The following SNAPC4 variants were observed in gnomAD, a reference collection of about 807,000 sequenced individuals.
SNAPC4 encodes snRNA-activating protein complex subunit 4.
A neutral mutation model predicts 151.3 loss-of-function variants in SNAPC4; 127 were observed. The observed-to-expected ratio is 0.84, with a 90% CI of 0.73 to 0.97. SNAPC4 has a LOEUF of 0.97. SNAPC4 is among the 50% of genes least tolerant of loss of function. SNAPC4 has a pLI of 0.00. For missense variants in SNAPC4, 2,186 were observed against 1,935.0 expected, an observed-to-expected ratio of 1.13 and a Z score of -2.43; for synonymous variants, 1,002 against 824.4, an observed-to-expected ratio of 1.22 and a Z score of -3.69.
At chr9:136,376,627 C>G in intron 22 of SNAPC4, 146 bp from the exon 23 acceptor site, 1 of 901,792 alleles carries the variant, frequency 1.1e-6, no homozygotes, top group East Asian at 2.5e-5. Context: ...CTGCTCCAGG[C>G]ACTCCTGGGG....
rs755142292 is a variant in SNAPC4, at chr9:136,382,262, G to C, written c.2058C>G (p.Ser686Arg). ...CTGCAGCAGGCCTCACCTGTGTGCA[G>C]CTCCGAGCAGCCGTGTTGGCCCTGA... ...RVLRANTAAR[S>R]CTQKEQLRQP... Residue 686 changes from serine to arginine, a missense_variant, in exon 17 of 24, where the codon AGC becomes AGG. Ser to Arg is a moderately radical substitution (Grantham distance 110). Coordinates refer to ENST00000684778, the MANE Select transcript of SNAPC4 (RefSeq NM_003086.4). 3.0e-5 allele frequency: 48 copies of C among 1,612,558 alleles called. No homozygotes were observed. The highest frequency in any genetic ancestry group is 1.7e-4 in the Middle Eastern group (1 of 5,906).
Position 136,383,320 on chromosome 9 carries a change from T to C in SNAPC4, c.1849A>G (p.Thr617Ala). The change falls in exon 16 of 24, where the codon ACA becomes GCA. Residue 617 changes from threonine to alanine, a missense_variant. Thr to Ala is a moderately conservative substitution (Grantham distance 58). Coordinates refer to ENST00000684778, the MANE Select transcript of SNAPC4 (RefSeq NM_003086.4). The surrounding 1 kb of genome is among the most constrained non-coding windows in gnomAD (Gnocchi z 4.2). ...SQGGSKEAST[T>A]AAAPGEETSP... ...GTCTCCTCTCCAGGAGCCGCGGCTG[T>C]GGTGGAAGCTTCCTTGCTGCCGCCC... 1 of 1,611,734 alleles carries C rather than the reference T, an allele frequency of 6.2e-7. No homozygotes were observed. Among genetic ancestry groups the C allele is most frequent in the Non-Finnish European group, 8.5e-7 (1 of 1,179,512 alleles).
Position 136,383,175 on chromosome 9 carries a change from C to G in SNAPC4, c.1983+11G>C. On this transcript the variant is annotated intron_variant, in intron 16 of 23. Coordinates refer to ENST00000684778, the MANE Select transcript of SNAPC4 (RefSeq NM_003086.4). The surrounding 1 kb of genome is among the most constrained non-coding windows in gnomAD (Gnocchi z 4.2). ...TGCACTTCCCGTGGTACACCCAGGG[C>G]CGGGGCCTACCTCCAGGGCCTGCTT... 1 of 1,522,320 alleles carries G rather than the reference C, an allele frequency of 6.6e-7. No homozygotes were observed. The highest frequency in any genetic ancestry group is 8.8e-7 in the Non-Finnish European group (1 of 1,137,216). 94.3% of individuals were successfully genotyped at this position (1,522,320 alleles called of 1,614,324 possible). A position where few individuals can be genotyped will look rare whatever the true frequency, so the allele number is the denominator to read the frequency against.
chr9:136,395,621 G>C lies in SNAPC4; in HGVS notation c.327C>G (p.Ala109=), dbSNP rs1834241882. Residue 109 remains alanine, a synonymous_variant, in exon 4 of 24, where the codon GCC becomes GCG. Coordinates refer to ENST00000684778, the MANE Select transcript of SNAPC4 (RefSeq NM_003086.4). Reference sequence around the variant, plus strand: ...ATCCCACCTGCTGCTCCCGGTTCTGGGCCAGCAGCAGGTTGGCCTCAGCCA... The same window carrying C: ...ATCCCACCTGCTGCTCCCGGTTCTGCGCCAGCAGCAGGTTGGCCTCAGCCA... ...EKLAEANLLL[A]QNREQQEELM... is the part of the protein sequence containing the mutation. 1 of 1,611,776 alleles carries C rather than the reference G, an allele frequency of 6.2e-7. No individual in the cohort carries two copies. Among genetic ancestry groups the C allele is most frequent in the Admixed American group, 1.7e-5 (1 of 59,978 alleles).
intron 11 of SNAPC4, 128 bp from the exon 12 acceptor site, chr9:136,387,976 A>G (rs1833946717): frequency 1.5e-6 from 1 of 658,106 alleles, no homozygotes; most frequent in Admixed American, 2.4e-5. Flanking sequence ...CATAGAAAAG[A>G]ATCACTTTGG....
intron 21 of SNAPC4, 94 bp downstream of exon 21, chr9:136,379,743 G>C: frequency 8.7e-7 from 1 of 1,150,916 alleles, no homozygotes; most frequent in Non-Finnish European, 1.3e-6. Flanking sequence ...GTGCTGCTTG[G>C]GGGCTGTGGG....
intron 23 of SNAPC4, among the ~76,000 whole-genome samples, chr9:136,376,119 T>G (rs1251912707): frequency 6.6e-6 from 1 of 152,156 alleles, no homozygotes; most frequent in Non-Finnish European, 1.5e-5. Context: ...AATGAGCCTA[T>G]GGTCAGGGGC....
chr9:136,383,217 C>A lies in SNAPC4; in HGVS notation c.1952G>T (p.Arg651Leu), dbSNP rs530852447. ...GGCCTGCTTCTCTGCGCCCGCCGGG[C>A]GAGTGTCTGCTGAGTGGGAGGCCTG... ...SAQASHSADT[R>L]PAGAEKQALE... The change falls in exon 16 of 24, where the codon CGC becomes CTC. Residue 651 changes from arginine to leucine, a missense_variant. Coordinates refer to ENST00000684778, the MANE Select transcript of SNAPC4 (RefSeq NM_003086.4). The surrounding 1 kb of genome is among the most constrained non-coding windows in gnomAD (Gnocchi z 4.2). 1.3e-6 allele frequency: 2 copies of A among 1,559,380 alleles called. No individual in the cohort carries two copies. The highest frequency in any genetic ancestry group is 1.4e-5 in the African/African-American group (1 of 72,658).
At position 136,377,596 on chromosome 9, in the gene SNAPC4, G is replaced by A. The variant is rs568131326; in HGVS notation, c.4231C>T (p.Leu1411Phe). ...EDEDLLSELE[L>F]ADRDGQPGCT... The stretch of plus-strand genomic sequence containing the variant: ...CCCGGCTGCCCGTCCCTGTCTGCAA[G>A]TTCCAGCTCACTCAGGAGGTCTTCA... Residue 1411 changes from leucine to phenylalanine, a missense_variant, in exon 22 of 24, where the codon CTT (leucine) becomes TTT (phenylalanine). Physicochemically the swap from Leu to Phe is conservative, Grantham distance 22. Coordinates refer to ENST00000684778, the MANE Select transcript of SNAPC4 (RefSeq NM_003086.4). 1.7e-5 allele frequency: 26 copies of A among 1,534,974 alleles called. No individual in the cohort carries two copies. The East Asian group carries it at 3.4e-4, about 20-fold the overall frequency.
At chr9:136,391,377 A>C (rs534331726) in intron 10 of SNAPC4, among the ~76,000 whole-genome samples, 13 of 152,322 alleles carry the variant, frequency 8.5e-5, no homozygotes, top group Non-Finnish European at 1.8e-4. Context: ...CCAGAAATCC[A>C]ACTATTTAAA....
intron 14 of SNAPC4, among the ~76,000 whole-genome samples, chr9:136,384,292 A>G (rs1006361051): frequency 1.3e-5 from 2 of 152,146 alleles, no homozygotes; most frequent in East Asian, 3.9e-4. Flanking sequence ...CGGCCCTCAC[A>G]TATCTGCTCC....
rs770773937 is a variant in SNAPC4 at position 136,383,644 on chromosome 9, G to A, written c.1525C>T (p.Arg509Trp). The change falls in exon 16 of 24, where the codon CGG (arginine) becomes TGG (tryptophan). Residue 509 changes from arginine (R) to tryptophan (W), a missense_variant. Physicochemically the swap from Arg to Trp is moderately radical, Grantham distance 101. Transcript: ENST00000684778. The surrounding 1 kb of genome is among the most constrained non-coding windows in gnomAD (Gnocchi z 4.2). ...MGKKQGLRRR[R>W]RRARHSVRWS... ...CGGACGCTGTGACGGGCCCTCCGCCGCCGCCTCCGGAGACCCTGCTTCTTC... is the reference window on the plus strand; with the variant it reads ...CGGACGCTGTGACGGGCCCTCCGCCACCGCCTCCGGAGACCCTGCTTCTTC... 18 of 1,607,636 alleles carry A rather than the reference G, an allele frequency of 1.1e-5. No individual in the cohort carries two copies. Among genetic ancestry groups the A allele is most frequent in the Admixed American group, 6.7e-5 (4 of 59,820 alleles).
chr9:136,378,549 A>T lies in SNAPC4; in HGVS notation c.3278T>A (p.Val1093Glu). ...CCCTGCTGGCCTGGGAAGGCTCACC[A>T]CAGCTGGTACAGGAACAGGGAGAAG... ...QGLLPVPVPAVVSLPRPAGTP... is the reference protein window; with the variant it reads ...QGLLPVPVPAEVSLPRPAGTP... Residue 1093 changes from valine (V) to glutamate (E), a missense_variant, in exon 22 of 24, where the codon GTG becomes GAG. Transcript: ENST00000684778. The T allele has an allele frequency of 6.3e-7, 1 of 1,592,286 alleles. No homozygotes were observed. The highest frequency in any genetic ancestry group is 8.5e-7 in the Non-Finnish European group (1 of 1,173,784).
At chr9:136,393,576 G>A (rs1369070872) in intron 7 of SNAPC4, among the ~76,000 whole-genome samples, 1 of 152,230 alleles carries the variant, frequency 6.6e-6, no homozygotes, top group Non-Finnish European at 1.5e-5. Flanking sequence ...GCAGGTTTCA[G>A]GAATGGGAAA....
At chr9:136,376,225 C>G in intron 23 of SNAPC4, 124 bp downstream of exon 23, 2 of 1,176,048 alleles carry the variant, frequency 1.7e-6, no homozygotes, top group Non-Finnish European at 2.4e-6. Flanking sequence ...CTGGACCTGC[C>G]CACCTAACCC....
chr9:136,378,545 C>T lies in SNAPC4; in HGVS notation c.3282G>A (p.Val1094=), dbSNP rs1451067714. ...GGGTCCCTGCTGGCCTGGGAAGGCT[C>T]ACCACAGCTGGTACAGGAACAGGGA... ...GLLPVPVPAV[V]SLPRPAGTPG... is the part of the protein sequence containing the mutation. Residue 1094 remains valine (V), a synonymous_variant, in exon 22 of 24, where the codon GTG becomes GTA. Coordinates refer to ENST00000684778, the MANE Select transcript of SNAPC4 (RefSeq NM_003086.4). 6.3e-7 allele frequency: 1 copy of T among 1,593,252 alleles called. No homozygotes were observed. The highest frequency in any genetic ancestry group is 1.7e-5 in the Admixed American group (1 of 57,980).
chr9:136,382,090 G>C lies in SNAPC4; in HGVS notation c.2068-17C>G, dbSNP rs866292747. ...CTGCTCTTTCTGTAAGGAGAAGGCA[G>C]CACCTGGGGCCCATGGCCAGGCTCG... is the stretch of plus-strand genomic sequence containing the variant. On this transcript the variant is annotated splice_polypyrimidine_tract_variant and intron_variant, in intron 17 of 23. Transcript: ENST00000684778. 3 of 1,568,318 alleles carry C rather than the reference G, an allele frequency of 1.9e-6. No homozygotes were observed. In the Middle Eastern group the frequency reaches 6.8e-4, roughly 354 times the overall value.
rs1410785700 is a variant in SNAPC4 at position 136,400,149 on chromosome 9, C to T, written c.-25G>A. Reference sequence around the variant, plus strand: ...CACACCTTACCTGGCCGCGCGGACCCCGCCGTCGCCCGGGCGACTGCAGAC... The same window carrying T: ...CACACCTTACCTGGCCGCGCGGACCTCGCCGTCGCCCGGGCGACTGCAGAC... On this transcript the variant is annotated 5_prime_UTR_variant, in exon 1 of 24. Coordinates refer to ENST00000684778, the MANE Select transcript of SNAPC4 (RefSeq NM_003086.4). 1.3e-5 allele frequency: 2 copies of T among 152,134 alleles called. No homozygotes were observed. Among genetic ancestry groups the T allele is most frequent in the African/African-American group, 4.8e-5 (2 of 41,450 alleles). 9.4% of individuals were successfully genotyped at this position (152,134 alleles called of 1,614,324 possible).
At chr9:136,391,819 C>G (rs1462660452) in intron 10 of SNAPC4, 123 bp downstream of exon 10, 2 of 1,062,592 alleles carry the variant, frequency 1.9e-6, no homozygotes, top group Non-Finnish European at 2.7e-6. Context: ...CTGGAGGTGG[C>G]AACACATAGA....
Sources: allele counts gnomAD v4.1 joint callset (sites outside exome capture counted in the v4.1 genomes callset), GRCh38; gene constraint gnomAD v4.1.1; non-coding constraint Gnocchi (gnomAD v3.1); transcripts MANE v1.5; gene names NCBI Gene and HGNC (gene_info 2026-07-23, HGNC 2026-07-21).